DAB1: variants seen among roughly 807,000 people sequenced by gnomAD.
DAB1 encodes the protein disabled homolog 1.
In DAB1, 15 loss-of-function variants were observed where a neutral mutation model predicts 64.6. The observed-to-expected ratio is 0.23, with a 90% CI of 0.16 to 0.36. The LOEUF is 0.36. Ranked by LOEUF, DAB1 falls within the 10% of genes least tolerant of loss-of-function variation. DAB1 has a pLI of 1.00. For synonymous variants in DAB1, 235 were observed against 251.9 expected, an observed-to-expected ratio of 0.93 and a Z score of 0.64; for missense variants, 596 against 706.7, an observed-to-expected ratio of 0.84 and a Z score of 1.78.
chr1:57,329,259 T>C (rs575911195), intron 1 of DAB1, among the ~76,000 whole-genome samples: 3 of 152,280 alleles, frequency 2.0e-5, no homozygotes, highest in African/African-American at 7.2e-5. Flanking sequence ...CCAGGCAGCC[T>C]GCTTTCCAGC....
At chr1:57,208,150 G>A (rs1478127307) in intron 2 of DAB1, among the ~76,000 whole-genome samples, 1 of 152,152 alleles carries the variant, frequency 6.6e-6, no homozygotes, top group African/African-American at 2.4e-5. Context: ...CCAGATGCCA[G>A]GAAACTGAAA....
At chr1:58,104,320 G>A (rs1651508072) in intron 5 of DAB1, among the ~76,000 whole-genome samples, 1 of 152,198 alleles carries the variant, frequency 6.6e-6, no homozygotes, top group African/African-American at 2.4e-5. Flanking sequence ...GGTGGAAATG[G>A]GGAGGCTCAG....
chr1:58,256,295 C>T (rs977180532), intron 4 of DAB1, among the ~76,000 whole-genome samples: 1 of 152,206 alleles, frequency 6.6e-6, no homozygotes, highest in Non-Finnish European at 1.5e-5. Flanking sequence ...CATGGCAGCT[C>T]TGTGAGTACC....
chr1:58,496,227 G>A (rs1158061899), intron 3 of DAB1, among the ~76,000 whole-genome samples: 1 of 150,176 alleles, frequency 6.7e-6, no homozygotes, highest in Non-Finnish European at 1.5e-5. Flanking sequence ...TCTATCTTCC[G>A]CATCAATGAG....
intron 1 of DAB1, among the ~76,000 whole-genome samples, chr1:57,331,865 G>A (rs923423610): frequency 1.3e-5 from 2 of 152,228 alleles, no homozygotes; most frequent in African/African-American, 4.8e-5. Flanking sequence ...CATTAAAGAC[G>A]AGGTAGCAGA....
chr1:57,267,039 A>C (rs1670637690), intron 2 of DAB1, among the ~76,000 whole-genome samples: 1 of 152,170 alleles, frequency 6.6e-6, no homozygotes, highest in African/African-American at 2.4e-5. Context: ...GAATGTGAAC[A>C]AATTTGGAAA....
intron 6 of DAB1, among the ~76,000 whole-genome samples, chr1:57,738,626 A>G (rs72664614): frequency 0.046 from 6,981 of 152,248 alleles, 243 homozygotes; most frequent in Non-Finnish European, 0.068. Context: ...CTGTACTGTT[A>G]GTGCACACCC....
chr1:57,539,508 G>T (rs1329953922), intron 7 of DAB1, among the ~76,000 whole-genome samples: 1 of 152,212 alleles, frequency 6.6e-6, no homozygotes, highest in African/African-American at 2.4e-5. Context: ...AAGTGAGAAA[G>T]TGGGTATCTT....
At chr1:57,242,855 G>C (rs1668592366) in intron 2 of DAB1, among the ~76,000 whole-genome samples, 1 of 152,152 alleles carries the variant, frequency 6.6e-6, no homozygotes, top group Non-Finnish European at 1.5e-5. Context: ...AAAGAGAACT[G>C]TTTGTAGACA....
At chr1:58,144,189 T>G (rs1187642822) in intron 5 of DAB1, among the ~76,000 whole-genome samples, 1 of 152,214 alleles carries the variant, frequency 6.6e-6, no homozygotes, top group Non-Finnish European at 1.5e-5. Context: ...TCTGTGTATA[T>G]AAAGGCATGG....
chr1:57,440,346 T>C (rs867270297), intron 7 of DAB1, among the ~76,000 whole-genome samples: 1 of 152,234 alleles, frequency 6.6e-6, no homozygotes, highest in Non-Finnish European at 1.5e-5. Context: ...ACTGCACTAA[T>C]GTTCAGGGTG....
At chr1:57,017,964 A>G (rs1427792916) in intron 11 of DAB1, among the ~76,000 whole-genome samples, 3 of 152,094 alleles carry the variant, frequency 2.0e-5, no homozygotes, top group Non-Finnish European at 2.9e-5. Flanking sequence ...TTGTCACAAG[A>G]GGAGGGGGTG....
At chr1:58,314,085 T>C (rs1297047802) in intron 4 of DAB1, among the ~76,000 whole-genome samples, 1 of 152,134 alleles carries the variant, frequency 6.6e-6, no homozygotes, top group Admixed American at 6.5e-5. Context: ...GATTATCTGG[T>C]TATTGCTCAG....
chr1:57,615,487 C>A (rs1645781079), intron 7 of DAB1, among the ~76,000 whole-genome samples: 1 of 152,150 alleles, frequency 6.6e-6, no homozygotes, highest in South Asian at 2.1e-4. Context: ...CCAAATCCAC[C>A]CTAGGACCAT....
At chr1:57,448,443 A>T (rs903070666) in intron 7 of DAB1, among the ~76,000 whole-genome samples, 1 of 152,234 alleles carries the variant, frequency 6.6e-6, no homozygotes, top group Non-Finnish European at 1.5e-5. Context: ...ATCTAGTTAG[A>T]TGGAAAAAAC....
intron 5 of DAB1, among the ~76,000 whole-genome samples, chr1:58,124,940 G>T (rs534335249): frequency 6.6e-6 from 1 of 152,256 alleles, no homozygotes; most frequent in Admixed American, 6.5e-5. Context: ...GGCGTTAACA[G>T]ATCTGGTTCT....
intron 4 of DAB1, among the ~76,000 whole-genome samples, chr1:58,159,813 A>G (rs1655424989): frequency 6.6e-6 from 1 of 152,196 alleles, no homozygotes; most frequent in South Asian, 2.1e-4. Context: ...CCCATTGCTC[A>G]GCTGAGGACA....
intron 7 of DAB1, among the ~76,000 whole-genome samples, chr1:57,558,205 A>C (rs1158431089): frequency 1.3e-5 from 2 of 152,214 alleles, no homozygotes; most frequent in Non-Finnish European, 2.9e-5. Flanking sequence ...CCCCATCCCC[A>C]GTAGTGGCAA....
chr1:58,397,308 C>G (rs1276025487), intron 3 of DAB1, among the ~76,000 whole-genome samples: 2 of 152,180 alleles, frequency 1.3e-5, no homozygotes, highest in East Asian at 3.9e-4. Flanking sequence ...ACATTTCATG[C>G]AGAAACGTTA....
Sources: allele counts gnomAD v4.1 joint callset (sites outside exome capture counted in the v4.1 genomes callset), GRCh38; gene constraint gnomAD v4.1.1; transcripts MANE v1.5; gene names NCBI Gene and HGNC (gene_info 2026-07-23, HGNC 2026-07-21).